Variants in CREB5 observed in about 807,000 individuals in gnomAD.
The protein encoded by CREB5 is cyclic AMP-responsive element-binding protein 5.
In CREB5, 19 loss-of-function variants were observed where a neutral mutation model predicts 57.1. That is an observed-to-expected ratio of 0.33 (90% CI 0.23 to 0.49). The LOEUF (loss-of-function observed/expected upper bound fraction) is 0.49, where lower values mean the gene tolerates loss of function less well. Ranked by LOEUF, CREB5 falls within the 20% of genes least tolerant of loss-of-function variation. The pLI, the probability that CREB5 is intolerant of heterozygous loss-of-function variation, is 0.99. For synonymous variants in CREB5, 238 were observed against 238.3 expected (o/e 1.00, Z 0.01); for missense variants, 579 against 671.6 (o/e 0.86, Z 1.52).
chr7:28,379,849 G>T (rs1786925460), intron 1 of CREB5, among the ~76,000 whole-genome samples: 1 of 152,206 alleles, frequency 6.6e-6, no homozygotes, highest in Non-Finnish European at 1.5e-5. Context: ...CCCCACCTCA[G>T]ATCTATTGAG....
At chr7:28,580,014 T>A (rs745955817) in intron 5 of CREB5, among the ~76,000 whole-genome samples, 1 of 152,066 alleles carries the variant, frequency 6.6e-6, no homozygotes, top group Non-Finnish European at 1.5e-5. Flanking sequence ...GTAAATGAGG[T>A]AGTAGCTGAT....
At position 28,454,205 on chromosome 7, in the gene CREB5, G is replaced by A. The variant is rs371395402; in HGVS notation, c.4-33970G>A. On this transcript the variant is annotated intron_variant, in intron 1 of 10. Coordinates refer to ENST00000357727, the MANE Select transcript of CREB5 (RefSeq NM_182898.4). ...CCTGACCTCGTGGTCTGCCTGCCTC[G>A]GCCTCCCAAAGTGCTGGGTTTACAG... is the stretch of plus-strand genomic sequence containing the variant. 3.1e-4 allele frequency among the ~76,000 whole-genome samples: 47 copies of A among 152,102 alleles called. No individual in the cohort carries two copies. The South Asian group carries it at 8.5e-3, about 28-fold the overall frequency.
At chr7:28,324,721 C>T (rs2127985029) in intron 1 of CREB5, among the ~76,000 whole-genome samples, 1 of 152,316 alleles carries the variant, frequency 6.6e-6, no homozygotes, top group African/African-American at 2.4e-5. Flanking sequence ...TAGCTCTTTG[C>T]TTTGACTTTC....
rs1479869837 is a variant in CREB5 at position 28,809,286 on chromosome 7, G to A, written c.1126G>A (p.Glu376Lys). The change falls in exon 9 of 11, where the codon GAG (glutamate) becomes AAG (lysine). Residue 376 changes from glutamate to lysine, a missense_variant. Glu to Lys is a moderately conservative substitution (Grantham distance 56). Around this residue, in one of 3 missense-constraint regions of CREB5, gnomAD observed 459 missense variants for 515.7 expected, o/e 0.89. Coordinates refer to ENST00000357727, the MANE Select transcript of CREB5 (RefSeq NM_182898.4). The stretch of plus-strand genomic sequence containing the variant: ...AAGGGTGGTAGACGAGGATCCGGAC[G>A]AGAGGCGGCGGAAATTTCTGGAACG... ...RRRVVDEDPDERRRKFLERNR... is the reference protein window; with the variant it reads ...RRRVVDEDPDKRRRKFLERNR... The A allele has an allele frequency of 1.9e-6, 3 of 1,614,170 alleles. No individual in the cohort carries two copies. The highest frequency in any genetic ancestry group is 2.2e-5 in the South Asian group (2 of 91,076).
chr7:28,401,950 T>C (rs1428591575), intron 1 of CREB5, among the ~76,000 whole-genome samples: 3 of 152,230 alleles, frequency 2.0e-5, no homozygotes, highest in African/African-American at 4.8e-5. Flanking sequence ...CTGGGTCAAA[T>C]GGTATTTCTA....
chr7:28,731,163 A>T (rs1054297743), intron 7 of CREB5, among the ~76,000 whole-genome samples: 22 of 152,118 alleles, frequency 1.4e-4, no homozygotes, highest in Non-Finnish European at 2.9e-5. Flanking sequence ...CAGAAACCCC[A>T]TCTCCTTTCT....
chr7:28,350,695 A>G (rs575645969), intron 1 of CREB5, among the ~76,000 whole-genome samples: 2 of 152,252 alleles, frequency 1.3e-5, no homozygotes, highest in African/African-American at 2.4e-5. Context: ...GAGGCCAGAC[A>G]TTCATTCTGC....
chr7:28,644,184 G>C (rs1395903956), intron 5 of CREB5, among the ~76,000 whole-genome samples: 1 of 151,308 alleles, frequency 6.6e-6, no homozygotes, highest in African/African-American at 2.4e-5. Flanking sequence ...AAAGAAAAAG[G>C]GAAAGGAAGG....
At chr7:28,510,195 G>T (rs1012036586) in intron 4 of CREB5, among the ~76,000 whole-genome samples, 1 of 152,142 alleles carries the variant, frequency 6.6e-6, no homozygotes, top group East Asian at 1.9e-4. Context: ...AACATCCTTG[G>T]CATCCTGCCA....
intron 7 of CREB5, among the ~76,000 whole-genome samples, chr7:28,762,341 A>T (rs1244370227): frequency 6.6e-6 from 1 of 152,222 alleles, no homozygotes; most frequent in Non-Finnish European, 1.5e-5. Flanking sequence ...TTTTCAGGTT[A>T]CATTACTTTT....
At chr7:28,790,772 G>A (rs1807656995) in intron 7 of CREB5, among the ~76,000 whole-genome samples, 1 of 152,212 alleles carries the variant, frequency 6.6e-6, no homozygotes, top group African/African-American at 2.4e-5. Context: ...TCACCTTTGT[G>A]AGCTCTCCAG....
chr7:28,449,114 T>C (rs1789654938), intron 1 of CREB5, among the ~76,000 whole-genome samples: 1 of 152,366 alleles, frequency 6.6e-6, no homozygotes, highest in East Asian at 1.9e-4. Context: ...TATGTGTGCA[T>C]GGAAGCAAAG....
At chr7:28,415,565 T>C (rs1332688307) in intron 1 of CREB5, among the ~76,000 whole-genome samples, 1 of 152,176 alleles carries the variant, frequency 6.6e-6, no homozygotes, top group Non-Finnish European at 1.5e-5. Context: ...ATATCTGCAA[T>C]GTTATTTTTT....
At chr7:28,818,724 T>G (rs1428714542) in intron 10 of CREB5, 1 of 460,636 alleles carries the variant, frequency 2.2e-6, no homozygotes, top group Admixed American at 2.3e-5. Flanking sequence ...CAGGGATTCA[T>G]GGCTGAAGGT....
chr7:28,303,323 T>C (rs1231609642), intron 1 of CREB5, among the ~76,000 whole-genome samples: 1 of 152,210 alleles, frequency 6.6e-6, no homozygotes, highest in African/African-American at 2.4e-5. Context: ...CTCACTTAAA[T>C]GTTGGCACAG....
At chr7:28,781,603 G>A (rs555295596) in intron 7 of CREB5, among the ~76,000 whole-genome samples, 3 of 152,258 alleles carry the variant, frequency 2.0e-5, no homozygotes, top group Non-Finnish European at 4.4e-5. Flanking sequence ...CAGACCTTCA[G>A]CACCAAGGTG....
chr7:28,637,235 T>C (rs774398201), intron 5 of CREB5, among the ~76,000 whole-genome samples: 1 of 152,118 alleles, frequency 6.6e-6, no homozygotes, highest in Non-Finnish European at 1.5e-5. Context: ...ATAATTCATA[T>C]TATAATTCAA....
chr7:28,334,128 T>C (rs1785768547), intron 1 of CREB5, among the ~76,000 whole-genome samples: 1 of 152,166 alleles, frequency 6.6e-6, no homozygotes, highest in South Asian at 2.1e-4. Flanking sequence ...TTTGCATTTC[T>C]CTGATGATCA....
chr7:28,750,483 G>A (rs1804919415), intron 7 of CREB5, among the ~76,000 whole-genome samples: 1 of 152,000 alleles, frequency 6.6e-6, no homozygotes, highest in African/African-American at 2.4e-5. Context: ...GAAAATTTGT[G>A]GATCTCATTT....
Sources: gnomAD v4.1 joint callset for allele counts (sites outside exome capture counted in the v4.1 genomes callset) on GRCh38, gnomAD v4.1.1 for gene constraint, gnomAD v4.1.1 regional missense constraint, MANE v1.5 for transcripts, NCBI Gene and HGNC (gene_info 2026-07-23, HGNC 2026-07-21) for gene names.